Variants in CSMD2 observed in about 807,000 individuals in gnomAD.
CSMD2 encodes CUB and sushi domain-containing protein 2.
A neutral mutation model predicts 398.5 loss-of-function variants in CSMD2; 130 were observed. That is an observed-to-expected ratio of 0.33 (90% CI 0.28 to 0.38). The LOEUF (loss-of-function observed/expected upper bound fraction) is 0.38, where lower values mean the gene tolerates loss of function less well. CSMD2 is among the 10% of genes least tolerant of loss of function. The pLI is 1.00. For missense variants in CSMD2, 3,829 were observed against 4,764.9 expected, an observed-to-expected ratio of 0.80 and a Z score of 5.78; for synonymous variants, 1,828 against 1,908.5, an observed-to-expected ratio of 0.96 and a Z score of 1.10.
intron 40 of CSMD2, among the ~76,000 whole-genome samples, 157 bp from the exon 41 acceptor site, chr1:33,611,407 C>T (rs1030829460): frequency 1.3e-5 from 2 of 152,198 alleles, no homozygotes; most frequent in Non-Finnish European, 2.9e-5. Flanking sequence ...ATTGCCCGTC[C>T]AGCCAAGTCT....
At chr1:33,942,739 T>A (rs1644716794) in intron 3 of CSMD2, among the ~76,000 whole-genome samples, 1 of 152,232 alleles carries the variant, frequency 6.6e-6, no homozygotes, top group African/African-American at 2.4e-5. Flanking sequence ...AACCTATTCA[T>A]GTAAGTTATT....
At chr1:33,925,943 C>T (rs188324568) in intron 4 of CSMD2, among the ~76,000 whole-genome samples, 21 of 152,298 alleles carry the variant, frequency 1.4e-4, no homozygotes, top group Admixed American at 5.9e-4. Context: ...ACTGCCCCCT[C>T]GCCCTCAGCC....
intron 44 of CSMD2, among the ~76,000 whole-genome samples, chr1:33,594,646 A>G (rs1389406933): frequency 6.6e-6 from 1 of 151,770 alleles, no homozygotes; most frequent in Non-Finnish European, 1.5e-5. Context: ...GGGTCTCCTT[A>G]TTTCTTATCT....
chr1:33,556,499 G>C (rs981869093), intron 55 of CSMD2, among the ~76,000 whole-genome samples: 2 of 152,192 alleles, frequency 1.3e-5, no homozygotes, highest in Admixed American at 6.5e-5. Flanking sequence ...TCCCTCTTGA[G>C]TGCATCTTCA....
At chr1:33,805,714 AG>A (rs1437274507) in intron 10 of CSMD2, among the ~76,000 whole-genome samples, 2 of 152,078 alleles carry the variant, frequency 1.3e-5, no homozygotes. Context: ...GGCATCAAAG[AG>A]CACTCTCTTC....
chr1:34,165,256 A>T, upstream of CSMD2: 1 of 1,182,018 alleles, frequency 8.5e-7, no homozygotes, highest in Non-Finnish European at 1.0e-6. Context: ...CCGGCCGGGG[A>T]GAGGCGCGCT....
At chr1:33,591,936 T>A (rs1639488600) in intron 44 of CSMD2, 1 of 171,408 alleles carries the variant, frequency 5.8e-6, no homozygotes, top group Non-Finnish European at 1.3e-5. Flanking sequence ...TTACTATTTT[T>A]ACATTTAGAT....
At position 33,583,651 on chromosome 1, in the gene CSMD2, T is replaced by C. The variant is rs746303900; in HGVS notation, c.7231A>G (p.Ile2411Val). Reference sequence around the variant, plus strand: ...CATTTGACTGACTTACCATCAAAAATCTCAAACTCATCATATTGCTTCTCG... The same window carrying C: ...CATTTGACTGACTTACCATCAAAAACCTCAAACTCATCATATTGCTTCTCG... Reference protein sequence around the residue: ...LSEKQYDEFEIFDGPSGQSPL... With the variant: ...LSEKQYDEFEVFDGPSGQSPL... Residue 2411 changes from isoleucine (I) to valine (V), a missense_variant, in exon 47 of 71, where the codon ATT becomes GTT. This residue lies in a region of CSMD2 where 723 missense variants were observed against 758.6 expected (regional missense o/e 0.95). Coordinates refer to ENST00000373381, the MANE Select transcript of CSMD2 (RefSeq NM_001281956.2). 5 of 1,613,928 alleles carry C rather than the reference T, an allele frequency of 3.1e-6. No homozygotes were observed. Among genetic ancestry groups the C allele is most frequent in the Middle Eastern group, 1.7e-4 (1 of 6,060 alleles).
At chr1:33,916,589 G>C (rs1287027969) in intron 5 of CSMD2, among the ~76,000 whole-genome samples, 6 of 152,152 alleles carry the variant, frequency 3.9e-5, no homozygotes, top group African/African-American at 1.2e-4. Flanking sequence ...CCTCTGACCA[G>C]GGTAGGAAAT....
intron 32 of CSMD2, among the ~76,000 whole-genome samples, chr1:33,628,363 T>A (rs914586257): frequency 1.3e-5 from 2 of 151,790 alleles, no homozygotes; most frequent in East Asian, 1.9e-4. Context: ...ACAGAGAAAT[T>A]GAAGGAGAAA....
chr1:33,531,962 T>C (rs1417581211), intron 64 of CSMD2, among the ~76,000 whole-genome samples: 2 of 152,264 alleles, frequency 1.3e-5, no homozygotes, highest in Non-Finnish European at 2.9e-5. Context: ...TTGTATATTA[T>C]GTATATTCTA....
intron 5 of CSMD2, among the ~76,000 whole-genome samples, chr1:33,851,966 C>A (rs1010270591): frequency 1.3e-5 from 2 of 152,002 alleles, no homozygotes; most frequent in Non-Finnish European, 2.9e-5. Flanking sequence ...GTTGTGTGGA[C>A]AGCTCTGAAA....
intron 2 of CSMD2, among the ~76,000 whole-genome samples, chr1:34,070,582 C>G (rs934244245): frequency 1.3e-5 from 2 of 152,240 alleles, no homozygotes; most frequent in Non-Finnish European, 2.9e-5. Context: ...GAAGCCACAA[C>G]AATCAAACGG....
At chr1:33,583,557 G>A (rs1014521731) in intron 47 of CSMD2, 85 bp downstream of exon 47, 11 of 1,374,288 alleles carry the variant, frequency 8.0e-6, no homozygotes, top group African/African-American at 1.4e-5. Context: ...GCCCTGATAG[G>A]AAAACTGCAG....
intron 2 of CSMD2, 85 bp from the exon 3 acceptor site, chr1:34,032,791 TAC>T: frequency 1.1e-6 from 1 of 893,004 alleles, no homozygotes. Flanking sequence ...GCCTGCTGGA[TAC>T]ACAGTGCTGA....
intron 19 of CSMD2, among the ~76,000 whole-genome samples, chr1:33,717,924 C>T (rs1646226513): frequency 6.6e-6 from 1 of 152,158 alleles, no homozygotes; most frequent in Non-Finnish European, 1.5e-5. Flanking sequence ...TATTCATTAA[C>T]ATTTCAAGCA....
intron 3 of CSMD2, among the ~76,000 whole-genome samples, chr1:33,978,383 C>A (rs1646044465): frequency 6.6e-6 from 1 of 152,156 alleles, no homozygotes; most frequent in African/African-American, 2.4e-5. Context: ...CTCTGTGAAT[C>A]TCTGGGGATT....
intron 10 of CSMD2, among the ~76,000 whole-genome samples, chr1:33,797,571 C>T (rs1315969348): frequency 6.6e-6 from 1 of 152,224 alleles, no homozygotes; most frequent in East Asian, 1.9e-4. Context: ...CTCTGCTCTA[C>T]TGCCTCATGA....
chr1:33,998,555 G>A (rs1377283256), intron 3 of CSMD2, among the ~76,000 whole-genome samples: 2 of 152,134 alleles, frequency 1.3e-5, no homozygotes, highest in African/African-American at 2.4e-5. Context: ...CTCACGCAAC[G>A]CTGCTCAGAC....
Sources: allele counts gnomAD v4.1 joint callset (sites outside exome capture counted in the v4.1 genomes callset), GRCh38; gene constraint gnomAD v4.1.1; regional missense constraint gnomAD v4.1.1; transcripts MANE v1.5; gene names NCBI Gene and HGNC (gene_info 2026-07-23, HGNC 2026-07-21).